Variants in TIAM2 observed in about 807,000 individuals in gnomAD.
The protein encoded by TIAM2 is TIAM Rac1 associated GEF 2.
In TIAM2, 80 loss-of-function variants were observed where a neutral mutation model predicts 152.9. The ratio of observed to expected loss-of-function variants is 0.52; its 90% CI spans 0.44 to 0.63. The LOEUF (loss-of-function observed/expected upper bound fraction) is 0.63, where lower values mean the gene tolerates loss of function less well. Among genes scored for constraint, TIAM2 ranks in the 30% least tolerant of loss-of-function variants. The pLI is 0.00. For synonymous variants in TIAM2, 804 were observed against 838.0 expected (o/e 0.96, Z 0.70); for missense variants, 1,965 against 2,120.1 (o/e 0.93, Z 1.44).
At chr6:155,199,601 T>C (rs1341065588) in intron 14 of TIAM2, among the ~76,000 whole-genome samples, 1 of 152,178 alleles carries the variant, frequency 6.6e-6, no homozygotes, top group East Asian at 1.9e-4. Context: ...ATTTTTTCCT[T>C]CTCTCTCTGA....
chr6:155,204,867 C>T (rs1381519857), intron 14 of TIAM2, among the ~76,000 whole-genome samples: 1 of 152,066 alleles, frequency 6.6e-6, no homozygotes, highest in South Asian at 2.1e-4. Flanking sequence ...TTTACAGGCT[C>T]AGAGTCCTAG....
Position 155,148,335 on chromosome 6 carries a change from G to GCTTTGTCTACAC in TIAM2, c.2028+1_2028+2insCTTTGTCTACAC. On this transcript the variant is annotated splice_donor_variant, in intron 7 of 26. Transcript: ENST00000682666. LOFTEE classifies it high-confidence loss of function. ...GAACAGGAAAGCCATAGAGAACCAG[G>GCTTTGTCTACAC]TACTGTTTGTCTACACCTGAGTTTT... The GCTTTGTCTACAC allele has an allele frequency of 6.2e-7, 1 of 1,610,400 alleles. No individual in the cohort carries two copies. Among genetic ancestry groups the GCTTTGTCTACAC allele is most frequent in the Non-Finnish European group, 8.5e-7 (1 of 1,179,150 alleles).
At chr6:155,006,499 T>G (rs1260778533) in intron 1 of TIAM2, among the ~76,000 whole-genome samples, 1 of 151,466 alleles carries the variant, frequency 6.6e-6, no homozygotes, top group East Asian at 2.0e-4. Flanking sequence ...AAACCCTGTC[T>G]CTACTCAAAA....
At position 155,187,282 on chromosome 6, in the gene TIAM2, T is replaced by G. The variant is rs1045910659; in HGVS notation, c.3064+3782T>G. On this transcript the variant is annotated intron_variant, in intron 14 of 26. Coordinates refer to ENST00000682666, the MANE Select transcript of TIAM2 (RefSeq NM_012454.4). Reference sequence around the variant, plus strand: ...ATCTGTCTCTGTCTATATCTCTATATCTAATGAATCTTTTACTGAAAGAAG... The same window carrying G: ...ATCTGTCTCTGTCTATATCTCTATAGCTAATGAATCTTTTACTGAAAGAAG... 2.0e-5 allele frequency among the ~76,000 whole-genome samples: 3 copies of G among 152,164 alleles called. No homozygotes were observed. The South Asian group carries it at 6.2e-4, about 32-fold the overall frequency.
At chr6:155,236,371 C>T (rs912459650) in intron 15 of TIAM2, among the ~76,000 whole-genome samples, 1 of 151,930 alleles carries the variant, frequency 6.6e-6, no homozygotes, top group African/African-American at 2.4e-5. Flanking sequence ...TTTTAAGAAA[C>T]ACCCATGACA....
intron 15 of TIAM2, among the ~76,000 whole-genome samples, chr6:155,220,876 A>T (rs952561514): frequency 5.3e-5 from 8 of 152,220 alleles, no homozygotes; most frequent in African/African-American, 1.9e-4. Flanking sequence ...TCAACCCATC[A>T]TCTACCTTAG....
intron 2 of TIAM2, among the ~76,000 whole-genome samples, chr6:155,097,216 A>G (rs1353225046): frequency 6.6e-6 from 1 of 152,050 alleles, no homozygotes; most frequent in East Asian, 1.9e-4. Context: ...TTTGCTGTTG[A>G]GTAGTTTGAG....
intron 2 of TIAM2, among the ~76,000 whole-genome samples, chr6:155,115,053 C>T (rs1778978147): frequency 6.6e-6 from 1 of 151,798 alleles, no homozygotes; most frequent in Non-Finnish European, 1.5e-5. Context: ...GTCTCAAACT[C>T]CTGACCTCAG....
chr6:155,101,110 G>A (rs779236637), intron 2 of TIAM2, among the ~76,000 whole-genome samples: 14 of 152,148 alleles, frequency 9.2e-5, no homozygotes, highest in Non-Finnish European at 7.3e-5. Flanking sequence ...TATTCTCTGG[G>A]CAAATTTGGA....
intron 5 of TIAM2, among the ~76,000 whole-genome samples, chr6:155,140,605 A>C (rs1779676092): frequency 6.7e-6 from 1 of 150,178 alleles, no homozygotes; most frequent in South Asian, 2.1e-4. Flanking sequence ...AGAGAGAGAG[A>C]GAGAGAGAGA....
intron 18 of TIAM2, among the ~76,000 whole-genome samples, chr6:155,245,163 T>C (rs1783247767): frequency 6.6e-6 from 1 of 152,180 alleles, no homozygotes; most frequent in African/African-American, 2.4e-5. Flanking sequence ...AATAGGTTTC[T>C]AATTGCTGGG....
At position 155,148,251 on chromosome 6, in the gene TIAM2, A is replaced by G. The variant is rs749805321; in HGVS notation, c.1945A>G (p.Met649Val). ...CAAAAACCTGCTTCAGAAGATAGAC[A>G]TGGACAGCAAGATGAAGAAGATGGC... ...QTKNLLQKIDMDSKMKKMAEL... is the reference protein window; with the variant it reads ...QTKNLLQKIDVDSKMKKMAEL... Residue 649 changes from methionine (M) to valine (V), a missense_variant, in exon 7 of 27, where the codon ATG (methionine) becomes GTG (valine). By Grantham distance (21) the Met-to-Val change is conservative. This residue lies in a region of TIAM2 where 1,025 missense variants were observed against 1,119.4 expected (regional missense o/e 0.92). Transcript: ENST00000682666. 18 of 1,612,800 alleles carry G rather than the reference A, an allele frequency of 1.1e-5. No individual in the cohort carries two copies. Among genetic ancestry groups the G allele is most frequent in the Admixed American group, 1.7e-5 (1 of 60,022 alleles).
chr6:155,079,852 G>A (rs1455639178), intron 1 of TIAM2, among the ~76,000 whole-genome samples: 1 of 152,212 alleles, frequency 6.6e-6, no homozygotes, highest in African/African-American at 2.4e-5. Flanking sequence ...GAAGGCTGAG[G>A]TAGGAGAATC....
At chr6:155,006,032 T>C (rs371684844) in intron 1 of TIAM2, among the ~76,000 whole-genome samples, 4 of 152,226 alleles carry the variant, frequency 2.6e-5, no homozygotes, top group Non-Finnish European at 5.9e-5. Context: ...ACTGACTGAC[T>C]AGTTCTTGGA....
rs1474978226 is a variant in TIAM2 at position 155,187,129 on chromosome 6, C to T, written c.3064+3629C>T. Among the ~76,000 whole-genome samples the T allele has an allele frequency of 2.0e-5, 3 of 152,152 alleles. No individual in the cohort carries two copies. In the East Asian group the frequency reaches 5.8e-4, roughly 29 times the overall value. ...TTCCAAGCAGAATATTTATAGCCCC[C>T]TGTCGAGCACTTAAAATGTGTGGGG... On this transcript the variant is annotated intron_variant, in intron 14 of 26. Coordinates refer to ENST00000682666, the MANE Select transcript of TIAM2 (RefSeq NM_012454.4).
chr6:155,131,733 C>G (rs916392479), intron 4 of TIAM2, among the ~76,000 whole-genome samples: 1 of 151,978 alleles, frequency 6.6e-6, no homozygotes, highest in East Asian at 1.9e-4. Context: ...GCGTGCACCA[C>G]CATGCCTGGC....
At chr6:155,037,911 C>T (rs1776952321) in intron 1 of TIAM2, among the ~76,000 whole-genome samples, 1 of 152,042 alleles carries the variant, frequency 6.6e-6, no homozygotes, top group Non-Finnish European at 1.5e-5. Context: ...GTTGGCTGGG[C>T]CTTTGCTCTT....
chr6:155,069,968 A>G (rs1044866106), intron 1 of TIAM2, among the ~76,000 whole-genome samples: 1 of 136,156 alleles, frequency 7.3e-6, no homozygotes, highest in Non-Finnish European at 1.5e-5. Flanking sequence ...GCTGGAGTGT[A>G]GTGGCTCGAT....
intron 15 of TIAM2, among the ~76,000 whole-genome samples, chr6:155,212,287 T>C (rs1781740482): frequency 6.6e-6 from 1 of 152,194 alleles, no homozygotes; most frequent in African/African-American, 2.4e-5. Flanking sequence ...CCCACAATGC[T>C]GCACTATTTG....
Sources: allele counts gnomAD v4.1 joint callset (sites outside exome capture counted in the v4.1 genomes callset), GRCh38; gene constraint gnomAD v4.1.1; regional missense constraint gnomAD v4.1.1; transcripts MANE v1.5; gene names NCBI Gene and HGNC (gene_info 2026-07-23, HGNC 2026-07-21).